Variants in ACSL1 observed in about 807,000 individuals in gnomAD.
ACSL1 encodes acyl-CoA synthetase long chain family member 1.
A neutral mutation model predicts 98.4 loss-of-function variants in ACSL1; 41 were observed. That is an observed-to-expected ratio of 0.42 (90% CI 0.32 to 0.54). The LOEUF (loss-of-function observed/expected upper bound fraction) is 0.54, where lower values mean the gene tolerates loss of function less well. ACSL1 is among the 20% of genes least tolerant of loss of function. ACSL1 has a pLI of 0.13. For missense variants in ACSL1, 734 were observed against 883.1 expected, an observed-to-expected ratio of 0.83 and a Z score of 2.14; for synonymous variants, 316 against 322.7, an observed-to-expected ratio of 0.98 and a Z score of 0.22.
chr4:184,785,598 G>A (rs1012936026), intron 3 of ACSL1, among the ~76,000 whole-genome samples: 1 of 15,880 alleles, frequency 6.3e-5, no homozygotes, highest in Non-Finnish European at 3.6e-4. Context: ...GATCCTCCTG[G>A]GCGGGGGCGG....
chr4:184,814,980 T>C (rs973792274), intron 1 of ACSL1: 2 of 455,790 alleles, frequency 4.4e-6, no homozygotes. Context: ...TCAGAAAGCC[T>C]GAGGATAAAA....
intron 3 of ACSL1, chr4:184,788,336 A>G (rs1423807096): frequency 3.9e-6 from 2 of 510,618 alleles, no homozygotes; most frequent in Non-Finnish European, 7.5e-6. Flanking sequence ...TTATTGCAGG[A>G]AACGTCAGAG....
At chr4:184,797,552 C>T (rs569043959) in intron 2 of ACSL1, among the ~76,000 whole-genome samples, 7 of 152,270 alleles carry the variant, frequency 4.6e-5, no homozygotes, top group Admixed American at 2.6e-4. Context: ...GAGAAGGCCT[C>T]TGGTGGAGTG....
At position 184,756,293 on chromosome 4, in the gene ACSL1, GGTA is replaced by G. The variant is rs1437655753; in HGVS notation, c.*829_*831del. 7.9e-5 allele frequency: 12 copies of G among 152,744 alleles called. No individual in the cohort carries two copies. Among genetic ancestry groups the G allele is most frequent in the African/African-American group, 2.6e-4 (11 of 41,572 alleles). The allele number at this position is 152,744 out of a possible 1,614,324, so 9.5% of individuals were successfully genotyped here. ...GTCACAGCTGAGCATGGCTGATCCA[GGTA>G]ACTCTTTCTTGAAATGCTTGTCTTC... is the stretch of plus-strand genomic sequence containing the variant. On this transcript the variant is annotated 3_prime_UTR_variant, in exon 21 of 21. Coordinates refer to ENST00000281455, the MANE Select transcript of ACSL1 (RefSeq NM_001995.5).
At chr4:184,802,490 A>G (rs1249590664) in intron 2 of ACSL1, among the ~76,000 whole-genome samples, 1 of 151,308 alleles carries the variant, frequency 6.6e-6, no homozygotes, top group Non-Finnish European at 1.5e-5. Flanking sequence ...TGACTTGGGT[A>G]GGGGAAAGCA....
rs376085466 is a variant in ACSL1 at position 184,773,192 on chromosome 4, T to C, written c.842-38A>G. On this transcript the variant is annotated intron_variant, in intron 9 of 20. Transcript: ENST00000281455. The surrounding 1 kb of genome is among the most constrained non-coding windows in gnomAD (Gnocchi z 4.3). ...TATGAAGCAGAACAAAGTTAAAGAA[T>C]GACAGAAATGAAGGAGGCCCAGAAA... 4.4e-6 allele frequency: 7 copies of C among 1,574,498 alleles called. No homozygotes were observed. In the African/African-American group the frequency reaches 9.5e-5, roughly 21 times the overall value.
intron 1 of ACSL1, among the ~76,000 whole-genome samples, chr4:184,810,886 G>T (rs1011497633): frequency 6.6e-6 from 1 of 152,146 alleles, no homozygotes; most frequent in African/African-American, 2.4e-5. Flanking sequence ...AGTCCTTACT[G>T]CACGGGGTTG....
chr4:184,795,076 A>C (rs1401145870), intron 2 of ACSL1, among the ~76,000 whole-genome samples: 3 of 152,162 alleles, frequency 2.0e-5, no homozygotes, highest in African/African-American at 7.2e-5. Context: ...AATTCCTACA[A>C]ATACACATTG....
Position 184,764,832 on chromosome 4 carries a change from A to C in ACSL1, c.1432+21T>G, listed in dbSNP as rs775602034. Reference sequence around the variant, plus strand: ...CAGTATGAATAACAAAATTCCAAAAAGGAGCCTCCTACAGCCATACCTGCG... The same window carrying C: ...CAGTATGAATAACAAAATTCCAAAACGGAGCCTCCTACAGCCATACCTGCG... On this transcript the variant is annotated intron_variant, in intron 15 of 20. Coordinates refer to ENST00000281455, the MANE Select transcript of ACSL1 (RefSeq NM_001995.5). The C allele has an allele frequency of 7.5e-6, 12 of 1,599,516 alleles. No individual in the cohort carries two copies. In the South Asian group the frequency reaches 1.2e-4, roughly 16 times the overall value.
At chr4:184,823,207 C>T (rs1324728170) in intron 1 of ACSL1, among the ~76,000 whole-genome samples, 1 of 152,228 alleles carries the variant, frequency 6.6e-6, no homozygotes, top group Non-Finnish European at 1.5e-5. Flanking sequence ...TGTCAGATCA[C>T]CGCCTGTCAG....
chr4:184,786,253 T>C (rs1434375788), intron 3 of ACSL1, among the ~76,000 whole-genome samples: 1 of 152,218 alleles, frequency 6.6e-6, no homozygotes, highest in Admixed American at 6.5e-5. Context: ...TTGGTGATGT[T>C]TTTGTGACTA....
In ACSL1 at chr4:184,762,537, G is replaced by A. The variant is rs1161195520; in HGVS notation, c.1522-14C>T. ...TTTCACACACACCTAAAGAAAAGAA[G>A]ATCATCAGTGAACAGCATTTACTGG... On this transcript the variant is annotated splice_polypyrimidine_tract_variant and intron_variant, in intron 16 of 20. Coordinates refer to ENST00000281455, the MANE Select transcript of ACSL1 (RefSeq NM_001995.5). 5 of 1,605,932 alleles carry A rather than the reference G, an allele frequency of 3.1e-6. No homozygotes were observed. Among genetic ancestry groups the A allele is most frequent in the Non-Finnish European group, 4.3e-6 (5 of 1,172,602 alleles).
In ACSL1 at chr4:184,769,070, A is replaced by AATATATATATAT. The variant is rs34360556; in HGVS notation, c.994-632_994-621dup. Among the ~76,000 whole-genome samples the AATATATATATAT allele has an allele frequency of 8.0e-3, 1,188 of 147,668 alleles. 11 individuals are homozygous for AATATATATATAT. Among genetic ancestry groups the AATATATATATAT allele is most frequent in the Non-Finnish European group, 0.014 (947 of 67,022 alleles). On this transcript the variant is annotated intron_variant, in intron 11 of 20. Transcript: ENST00000281455. Reference sequence around the variant, plus strand: ...GGCCACGGAGGGAGACTCTGTCTCAAATATATATATATATATATATATATA... The same window carrying AATATATATATAT: ...GGCCACGGAGGGAGACTCTGTCTCAAATATATATATATATATATATATATATATATATATATA...
chr4:184,826,099 T>G (rs1041707117), upstream of ACSL1: 14 of 145,578 alleles, frequency 9.6e-5, no homozygotes, highest in South Asian at 2.1e-3. Context: ...GGCCCCGCCC[T>G]CCCGCGGCCC....
chr4:184,819,869 T>C (rs1772923354), intron 1 of ACSL1, among the ~76,000 whole-genome samples: 1 of 152,128 alleles, frequency 6.6e-6, no homozygotes. Flanking sequence ...ACTGTTTAAA[T>C]TGGAGGTGAC....
intron 15 of ACSL1, among the ~76,000 whole-genome samples, chr4:184,764,046 A>G (rs898076473): frequency 6.6e-6 from 1 of 152,212 alleles, no homozygotes; most frequent in African/African-American, 2.4e-5. Flanking sequence ...GTTCTAGAAT[A>G]TATGTTACTA....
intron 4 of ACSL1, among the ~76,000 whole-genome samples, chr4:184,782,136 G>A (rs987199419): frequency 1.3e-5 from 2 of 152,062 alleles, no homozygotes; most frequent in South Asian, 2.1e-4. Flanking sequence ...TCACAGACGA[G>A]TTCAAAAGTC....
At chr4:184,786,418 G>GCA (rs61564967) in intron 3 of ACSL1, among the ~76,000 whole-genome samples, 1,760 of 138,894 alleles carry the variant, frequency 0.013, 40 homozygotes, top group African/African-American at 0.043. Context: ...TGGTGGCAAA[G>GCA]CACACACACA....
intron 1 of ACSL1, among the ~76,000 whole-genome samples, chr4:184,820,755 C>G (rs1173331677): frequency 6.6e-6 from 1 of 152,174 alleles, no homozygotes; most frequent in Non-Finnish European, 1.5e-5. Context: ...CAGGCACGTA[C>G]CACCACGCCC....
Sources: gnomAD v4.1 joint callset for allele counts (sites outside exome capture counted in the v4.1 genomes callset) on GRCh38, gnomAD v4.1.1 for gene constraint, Gnocchi (gnomAD v3.1) non-coding constraint, MANE v1.5 for transcripts, NCBI Gene and HGNC (gene_info 2026-07-23, HGNC 2026-07-21) for gene names.